ESCO1: variants seen among roughly 807,000 people sequenced by gnomAD.
ESCO1 encodes establishment of sister chromatid cohesion N-acetyltransferase 1.
A neutral mutation model predicts 83.5 loss-of-function variants in ESCO1; 33 were observed. That is an observed-to-expected ratio of 0.40 (90% CI 0.30 to 0.53). The LOEUF is 0.53. Among genes scored for constraint, ESCO1 ranks in the 20% least tolerant of loss-of-function variants. ESCO1 has a pLI of 0.63. For synonymous variants in ESCO1, 332 were observed against 324.3 expected, an observed-to-expected ratio of 1.02 and a Z score of -0.25; for missense variants, 855 against 968.0, an observed-to-expected ratio of 0.88 and a Z score of 1.55.
chr18:21,531,242 G>A (rs2037762870), intron 11 of ESCO1, among the ~76,000 whole-genome samples: 1 of 151,098 alleles, frequency 6.6e-6, no homozygotes, highest in South Asian at 2.1e-4. Context: ...AAGAGTTCAA[G>A]GCCAGCCCAG....
intron 5 of ESCO1, among the ~76,000 whole-genome samples, chr18:21,566,946 C>T (rs2038270314): frequency 6.6e-6 from 1 of 151,928 alleles, no homozygotes; most frequent in South Asian, 2.1e-4. Context: ...TGAATAAATG[C>T]ATTTCTCATA....
At position 21,547,493 on chromosome 18, in the gene ESCO1, TA is replaced by T. The variant is rs1245380945; in HGVS notation, c.1954-7485del. Among the ~76,000 whole-genome samples, 4 of 152,142 alleles carry T rather than the reference TA, an allele frequency of 2.6e-5. No individual in the cohort carries two copies. In the East Asian group the frequency reaches 7.7e-4, roughly 29 times the overall value. ...TGCCACACTGACCTCAAGAATCTTA[TA>T]AATCTAATAGGAGAAACATATAGTA... On this transcript the variant is annotated intron_variant, in intron 8 of 11. Coordinates refer to ENST00000269214, the MANE Select transcript of ESCO1 (RefSeq NM_052911.3).
At chr18:21,565,965 G>A (rs920713732) in intron 6 of ESCO1, among the ~76,000 whole-genome samples, 181 bp downstream of exon 6, 4 of 151,952 alleles carry the variant, frequency 2.6e-5, no homozygotes, top group African/African-American at 9.7e-5. Context: ...AAAGAATGAG[G>A]TAGTAGGGTA....
chr18:21,566,076 G>C, intron 6 of ESCO1, 70 bp downstream of exon 6: 1 of 1,415,810 alleles, frequency 7.1e-7, no homozygotes, highest in Non-Finnish European at 9.8e-7. Context: ...AACTTTTTAG[G>C]GAAGAATCCC....
At chr18:21,587,306 A>G (rs547964022) in intron 1 of ESCO1, among the ~76,000 whole-genome samples, 1 of 152,188 alleles carries the variant, frequency 6.6e-6, no homozygotes, top group South Asian at 2.1e-4. Context: ...CTCCTTTTCT[A>G]TTTTTTGAAA....
At chr18:21,535,237 C>A (rs1473330430) in intron 10 of ESCO1, among the ~76,000 whole-genome samples, 2 of 149,744 alleles carry the variant, frequency 1.3e-5, no homozygotes, top group Admixed American at 6.7e-5. Flanking sequence ...TTTTTTGAGA[C>A]GGAGTCTCAC....
At chr18:21,575,579 G>A (rs374009647) in intron 3 of ESCO1, 93 bp downstream of exon 3, 14 of 398,076 alleles carry the variant, frequency 3.5e-5, no homozygotes, top group African/African-American at 2.5e-4. Context: ...ACAGAACGAA[G>A]TATCCCAAGT....
At chr18:21,557,983 GTTTT>G (rs757798371) in intron 8 of ESCO1, among the ~76,000 whole-genome samples, 1 of 141,482 alleles carries the variant, frequency 7.1e-6, no homozygotes, top group Non-Finnish European at 1.6e-5. Flanking sequence ...GTTTTTTGGG[GTTTT>G]TTTTTTTTTT....
In ESCO1 at chr18:21,573,612, A is replaced by G; in HGVS notation, c.1232T>C (p.Val411Ala). 2 of 1,614,108 alleles carry G rather than the reference A, an allele frequency of 1.2e-6. No individual in the cohort carries two copies. The highest frequency in any genetic ancestry group is 1.7e-6 in the Non-Finnish European group (2 of 1,180,008). ...TCGTAATAAGCCTAATTTAGGGGAAACTTGAGAGTCCAACTTATTGTGCTG... is the reference window on the plus strand; with the variant it reads ...TCGTAATAAGCCTAATTTAGGGGAAGCTTGAGAGTCCAACTTATTGTGCTG... ...SVQHNKLDSQ[V>A]SPKLGLLRTS... The change falls in exon 4 of 12, where the codon GTT (valine) becomes GCT (alanine). Residue 411 changes from valine (V) to alanine (A), a missense_variant. Coordinates refer to ENST00000269214, the MANE Select transcript of ESCO1 (RefSeq NM_052911.3).
In ESCO1 at chr18:21,530,099, A is replaced by C. The variant is rs2146160435; in HGVS notation, c.*244T>G. ...TATCTGCTGCATGTAAACATGTCTA[A>C]ATAACTATAGATAAAATACATCAAT... On this transcript the variant is annotated 3_prime_UTR_variant, in exon 12 of 12. Transcript: ENST00000269214. 1 of 335,614 alleles carries C rather than the reference A, an allele frequency of 3.0e-6. No individual in the cohort carries two copies. The highest frequency in any genetic ancestry group is 2.1e-5 in the African/African-American group (1 of 47,270). The allele number at this position is 335,614 out of a possible 1,614,324, so 20.8% of individuals were successfully genotyped here. A position where few individuals can be genotyped will look rare whatever the true frequency, so the allele number is the denominator to read the frequency against.
intron 9 of ESCO1, among the ~76,000 whole-genome samples, chr18:21,538,723 T>C (rs1282570005): frequency 6.6e-6 from 1 of 152,160 alleles, no homozygotes; most frequent in Non-Finnish European, 1.5e-5. Flanking sequence ...AAAAAAAGTA[T>C]AATAAACTGT....
At chr18:21,567,882 G>C (rs1598467426) in intron 5 of ESCO1, 98 bp downstream of exon 5, 1 of 818,806 alleles carries the variant, frequency 1.2e-6, no homozygotes, top group Non-Finnish European at 1.9e-6. Flanking sequence ...TGGTTAAAAA[G>C]AATTTAACAA....
Position 21,560,884 on chromosome 18 carries a change from T to C in ESCO1, c.1928A>G (p.Gln643Arg). ...CACATATTTAACAGCACTTATAAAC[T>C]GGTTGTGGAAAAGCAGATGCTGTGT... ...DETQHLLFHNQFISAVKYVGW... is the reference protein window; with the variant it reads ...DETQHLLFHNRFISAVKYVGW... The change falls in exon 8 of 12, where the codon CAG (glutamine) becomes CGG (arginine). Residue 643 changes from glutamine (Q) to arginine (R), a missense_variant. Transcript: ENST00000269214. 6.2e-7 allele frequency: 1 copy of C among 1,603,096 alleles called. No individual in the cohort carries two copies. Among genetic ancestry groups the C allele is most frequent in the East Asian group, 2.3e-5 (1 of 44,404 alleles).
Position 21,564,311 on chromosome 18 carries a change from T to C in ESCO1, c.1713A>G (p.Thr571=), listed in dbSNP as rs772910319. The C allele has an allele frequency of 1.9e-6, 3 of 1,599,112 alleles. No homozygotes were observed. The highest frequency in any genetic ancestry group is 2.6e-6 in the Non-Finnish European group (3 of 1,171,414). Residue 571 remains threonine (T), a synonymous_variant, in exon 7 of 12, where the codon ACA becomes ACG. Coordinates refer to ENST00000269214, the MANE Select transcript of ESCO1 (RefSeq NM_052911.3). The stretch of plus-strand genomic sequence containing the variant: ...ACTTAGGCAAAGAATGATTTCGTGG[T>C]GTCTCCCTTAAAAAAAATAAAATTA... ...QTSKSSDNRE[T]PRNHSLPKCN...
rs1328103907 is a variant in ESCO1, at chr18:21,575,314, T to C, written c.-471A>G. ...ACTTCGATTCACTTGAAACATGTCT[T>C]ATGGCTAACACGTTTCTTTCCTTGT... On this transcript the variant is annotated 5_prime_UTR_variant, in exon 4 of 12. In the 5' UTR this introduces an upstream ATG that the reference lacks. Coordinates refer to ENST00000269214, the MANE Select transcript of ESCO1 (RefSeq NM_052911.3). 4 of 396,426 alleles carry C rather than the reference T, an allele frequency of 1.0e-5. No homozygotes were observed. Among genetic ancestry groups the C allele is most frequent in the East Asian group, 7.2e-5 (2 of 27,910 alleles). 24.6% of individuals were successfully genotyped at this position (396,426 alleles called of 1,614,324 possible).
chr18:21,568,074 T>C lies in ESCO1; in HGVS notation c.1551A>G (p.Glu517=). 3 of 1,613,820 alleles carry C rather than the reference T, an allele frequency of 1.9e-6. No homozygotes were observed. The highest frequency in any genetic ancestry group is 1.7e-6 in the Non-Finnish European group (2 of 1,179,882). The change falls in exon 5 of 12, where the codon GAA becomes GAG. Residue 517 remains glutamate, a synonymous_variant. Coordinates refer to ENST00000269214, the MANE Select transcript of ESCO1 (RefSeq NM_052911.3). The part of the protein sequence containing the change: ...ASNKNFSQCL[E]SKLENSPVEN... Reference sequence around the variant, plus strand: ...CCACTGGACTGTTTTCTAGCTTGGATTCCAAACATTGGCTGAAATTCTGAA... The same window carrying C: ...CCACTGGACTGTTTTCTAGCTTGGACTCCAAACATTGGCTGAAATTCTGAA...
intron 2 of ESCO1, among the ~76,000 whole-genome samples, chr18:21,580,643 T>C (rs2038488940): frequency 6.6e-6 from 1 of 152,146 alleles, no homozygotes; most frequent in Non-Finnish European, 1.5e-5. Context: ...TTACTGAAGT[T>C]TATATGAATA....
At chr18:21,558,259 G>A (rs2038137626) in intron 8 of ESCO1, among the ~76,000 whole-genome samples, 1 of 152,054 alleles carries the variant, frequency 6.6e-6, no homozygotes, top group East Asian at 1.9e-4. Flanking sequence ...AGCAGATGGG[G>A]TAAAATGAAA....
intron 7 of ESCO1, among the ~76,000 whole-genome samples, chr18:21,563,918 T>TA (rs1318696875): frequency 1.2e-5 from 1 of 82,160 alleles, no homozygotes; most frequent in Non-Finnish European, 4.4e-5. Context: ...GTGAGCAGGG[T>TA]TAAAAAAAAA....
Sources: gnomAD v4.1 joint callset for allele counts (sites outside exome capture counted in the v4.1 genomes callset) on GRCh38, gnomAD v4.1.1 for gene constraint, MANE v1.5 for transcripts, NCBI Gene and HGNC (gene_info 2026-07-23, HGNC 2026-07-21) for gene names.